The following ALK variants were observed in gnomAD, a reference collection of about 807,000 sequenced individuals.
ALK encodes ALK receptor tyrosine kinase, also known as ALK tyrosine kinase receptor.
A neutral mutation model predicts 163.1 loss-of-function variants in ALK; 74 were observed. That is an observed-to-expected ratio of 0.45 (90% CI 0.38 to 0.55). ALK has a LOEUF of 0.55. ALK is among the 20% of genes least tolerant of loss of function. The probability of loss-of-function intolerance (pLI) is 0.00; values close to 1 mark genes in which losing one functional copy is unlikely to be tolerated. For missense variants in ALK, 2,063 were observed against 2,105.3 expected, an observed-to-expected ratio of 0.98 and a Z score of 0.39; for synonymous variants, 960 against 843.2, an observed-to-expected ratio of 1.14 and a Z score of -2.40.
intron 4 of ALK, among the ~76,000 whole-genome samples, chr2:29,406,642 C>T (rs975412580): frequency 1.1e-4 from 17 of 152,238 alleles, no homozygotes; most frequent in African/African-American, 4.1e-4. Flanking sequence ...TGGATCACGC[C>T]TGTAATTCCA....
chr2:29,524,480 T>A (rs1365108181), intron 4 of ALK, among the ~76,000 whole-genome samples: 1 of 152,234 alleles, frequency 6.6e-6, no homozygotes, highest in Non-Finnish European at 1.5e-5. Flanking sequence ...TACCCATGAC[T>A]ATAAGCAAAT....
chr2:29,205,842 G>T (rs951977521), intron 26 of ALK, among the ~76,000 whole-genome samples: 2 of 152,164 alleles, frequency 1.3e-5, no homozygotes, highest in African/African-American at 4.8e-5. Flanking sequence ...GGGCCCCTGG[G>T]ATTAGGACCT....
chr2:29,840,606 T>C (rs910127989), intron 1 of ALK, among the ~76,000 whole-genome samples: 5 of 152,236 alleles, frequency 3.3e-5, no homozygotes, highest in African/African-American at 1.2e-4. Context: ...AAATGTGTTT[T>C]CTGTTGAAAG....
intron 4 of ALK, among the ~76,000 whole-genome samples, chr2:29,519,556 C>T (rs1044022076): frequency 9.2e-5 from 14 of 152,174 alleles, no homozygotes; most frequent in Non-Finnish European, 1.8e-4. Context: ...GGCTCACATC[C>T]CACACACAAT....
At chr2:29,332,624 A>G (rs1423974335) in intron 5 of ALK, among the ~76,000 whole-genome samples, 1 of 152,224 alleles carries the variant, frequency 6.6e-6, no homozygotes, top group Admixed American at 6.5e-5. Context: ...CTTTATAAGT[A>G]TGTATAGTTG....
intron 3 of ALK, among the ~76,000 whole-genome samples, chr2:29,615,061 C>T (rs1021982695): frequency 6.6e-6 from 1 of 152,108 alleles, no homozygotes; most frequent in African/African-American, 2.4e-5. Flanking sequence ...TCAAGCAATC[C>T]ACCTGCCCCA....
chr2:29,601,952 G>A (rs1408005239), intron 3 of ALK, among the ~76,000 whole-genome samples: 1 of 152,064 alleles, frequency 6.6e-6, no homozygotes, highest in Non-Finnish European at 1.5e-5. Context: ...ACACCTGAAG[G>A]TGGGGGCGGG....
chr2:29,288,970 ATAAATAAAT>A (rs1558654947), intron 9 of ALK, among the ~76,000 whole-genome samples: 6 of 129,424 alleles, frequency 4.6e-5, no homozygotes, highest in African/African-American at 8.7e-5. Flanking sequence ...AAATAAATAA[ATAAATAAAT>A]AAATAAATAA....
rs1167778728 is a variant in ALK at position 29,831,105 on chromosome 2, GAGGAGA to G, written c.667+88882_667+88887del. Among the ~76,000 whole-genome samples, 31 of 28,712 alleles carry G rather than the reference GAGGAGA, an allele frequency of 1.1e-3. 4 individuals carry two copies. The highest frequency in any genetic ancestry group is 3.3e-3 in the South Asian group (2 of 604). The allele number at this position is 28,712 out of a possible 152,430, so 18.8% of individuals were successfully genotyped here. On this transcript the variant is annotated intron_variant, in intron 1 of 28. Transcript: ENST00000389048. ...GGAGGAGGAGGAGGAGGAGGAGGAGGAGGAGAAGAAGAAGAAGAAGGGGAAGAAGGG... is the reference window on the plus strand; with the variant it reads ...GGAGGAGGAGGAGGAGGAGGAGGAGGAGAAGAAGAAGAAGGGGAAGAAGGG...
At chr2:29,676,514 TATATA>T (rs1259733971) in intron 3 of ALK, among the ~76,000 whole-genome samples, 11 of 152,088 alleles carry the variant, frequency 7.2e-5, no homozygotes, top group African/African-American at 2.7e-4. Context: ...GTTCCATTGG[TATATA>T]AGCCTCTCCT....
intron 27 of ALK, among the ~76,000 whole-genome samples, 194 bp from the exon 28 acceptor site, chr2:29,197,054 C>A (rs1449121537): frequency 6.6e-6 from 1 of 152,164 alleles, no homozygotes; most frequent in South Asian, 2.1e-4. Flanking sequence ...ACACAGACAT[C>A]CTGATGTTTA....
chr2:29,771,854 C>A (rs930134944), intron 1 of ALK, among the ~76,000 whole-genome samples: 1 of 152,108 alleles, frequency 6.6e-6, no homozygotes, highest in Non-Finnish European at 1.5e-5. Context: ...AATTCTATAC[C>A]CAGAGAAACT....
At chr2:29,635,131 G>A (rs1676483267) in intron 3 of ALK, among the ~76,000 whole-genome samples, 1 of 152,168 alleles carries the variant, frequency 6.6e-6, no homozygotes, top group South Asian at 2.1e-4. Flanking sequence ...GCAAATCAAA[G>A]AAGAGCTACA....
At chr2:29,774,309 G>T (rs928587640) in intron 1 of ALK, among the ~76,000 whole-genome samples, 1 of 152,156 alleles carries the variant, frequency 6.6e-6, no homozygotes, top group Non-Finnish European at 1.5e-5. Context: ...CAAGACATCT[G>T]CAGACACTCA....
intron 5 of ALK, among the ~76,000 whole-genome samples, chr2:29,348,061 T>G (rs1196815465): frequency 2.6e-5 from 4 of 152,162 alleles, no homozygotes; most frequent in Non-Finnish European, 5.9e-5. Flanking sequence ...CCCATCAACT[T>G]GATACAGGCT....
intron 3 of ALK, among the ~76,000 whole-genome samples, chr2:29,592,969 C>G (rs1026068493): frequency 6.6e-6 from 1 of 152,242 alleles, no homozygotes; most frequent in Non-Finnish European, 1.5e-5. Flanking sequence ...CGAGATAATA[C>G]ATTTCTGCTG....
At chr2:29,742,285 C>A (rs1193876351) in intron 1 of ALK, among the ~76,000 whole-genome samples, 1 of 152,236 alleles carries the variant, frequency 6.6e-6, no homozygotes, top group African/African-American at 2.4e-5. Flanking sequence ...CTCTACATTG[C>A]TTTTCCCACA....
At chr2:29,298,904 T>C (rs1558659264) in intron 8 of ALK, among the ~76,000 whole-genome samples, 1 of 152,202 alleles carries the variant, frequency 6.6e-6, no homozygotes, top group Admixed American at 6.5e-5. Flanking sequence ...TTCCCCAGCA[T>C]CTCAGAGTCA....
intron 1 of ALK, among the ~76,000 whole-genome samples, chr2:29,823,679 G>A (rs761254482): frequency 6.6e-6 from 1 of 152,078 alleles, no homozygotes; most frequent in African/African-American, 2.4e-5. Flanking sequence ...GATGATTTAG[G>A]GTATCTGGTG....
Sources: allele counts gnomAD v4.1 joint callset (sites outside exome capture counted in the v4.1 genomes callset), GRCh38; gene constraint gnomAD v4.1.1; transcripts MANE v1.5; gene names NCBI Gene and HGNC (gene_info 2026-07-23, HGNC 2026-07-21).